CYP3A43: variants seen among roughly 807,000 people sequenced by gnomAD.
The protein encoded by CYP3A43 is cytochrome P450 family 3 subfamily A member 43.
A neutral mutation model predicts 58.0 loss-of-function variants in CYP3A43; 45 were observed. The ratio of observed to expected loss-of-function variants is 0.78; its 90% CI spans 0.61 to 0.99. CYP3A43 has a LOEUF of 0.99. Among genes scored for constraint, CYP3A43 ranks in the 50% least tolerant of loss-of-function variants. CYP3A43 has a pLI of 0.00. For missense variants in CYP3A43, 593 were observed against 591.9 expected (o/e 1.00, Z -0.02); for synonymous variants, 191 against 201.4 (o/e 0.95, Z 0.44).
chr7:99,849,618 T>TC lies in CYP3A43; in HGVS notation c.596dup (p.Gln200ThrfsTer35). On this transcript the variant is annotated frameshift_variant, in exon 7 of 13. Transcript: ENST00000354829. LOFTEE classifies it high-confidence loss of function. Reference sequence around the variant, plus strand: ...GAGTGAACTTGGATTCTCTCAACAATCCACAAGATCCCTTTCTGAAAAATA... The same window carrying TC: ...GAGTGAACTTGGATTCTCTCAACAATCCCACAAGATCCCTTTCTGAAAAATA... 1 of 1,613,024 alleles carries TC rather than the reference T, an allele frequency of 6.2e-7. No individual in the cohort carries two copies. Among genetic ancestry groups the TC allele is most frequent in the East Asian group, 2.2e-5 (1 of 44,886 alleles).
intron 1 of CYP3A43, among the ~76,000 whole-genome samples, chr7:99,829,659 C>A (rs900850725): frequency 6.6e-6 from 1 of 152,098 alleles, no homozygotes; most frequent in East Asian, 1.9e-4. Flanking sequence ...GTCTGGCTGC[C>A]CTGTGAACTC....
chr7:99,839,541 C>A, intron 3 of CYP3A43: 1 of 433,136 alleles, frequency 2.3e-6, no homozygotes. Context: ...ATACATAAGC[C>A]ACATTCCCAC....
intron 2 of CYP3A43, chr7:99,838,537 C>A: frequency 1.9e-6 from 1 of 537,688 alleles, no homozygotes; most frequent in Non-Finnish European, 2.8e-6. Flanking sequence ...AATGAAAACA[C>A]ATCAGAAAGA....
rs1194784427 is a variant in CYP3A43 at position 99,863,592 on chromosome 7, G to A, written c.1309G>A (p.Ala437Thr). The change falls in exon 12 of 13, where the codon GCT becomes ACT. Residue 437 changes from alanine (A) to threonine (T), a missense_variant. Coordinates refer to ENST00000354829, the MANE Select transcript of CYP3A43 (RefSeq NM_057095.3). ...IDLYRYIPFG[A>T]GPRNCIGMRF... ...TCTTTACAGATACATACCTTTTGGA[G>A]CTGGACCCCGAAACTGCATTGGCAT... The A allele has an allele frequency of 1.2e-6, 2 of 1,614,060 alleles. No homozygotes were observed. Among genetic ancestry groups the A allele is most frequent in the East Asian group, 2.2e-5 (1 of 44,880 alleles).
At chr7:99,837,318 CAAAAAAAAAAAAAAAAA>C (rs1373598961) in intron 2 of CYP3A43, among the ~76,000 whole-genome samples, 3 of 66,700 alleles carry the variant, frequency 4.5e-5, no homozygotes, top group Non-Finnish European at 1.0e-4. Flanking sequence ...GACTGTGTCT[CAAAAAAAAAAAAAAAAA>C]GAAAAGAAAA....
intron 11 of CYP3A43, among the ~76,000 whole-genome samples, chr7:99,863,282 G>C (rs893524152): frequency 6.6e-6 from 1 of 151,906 alleles, no homozygotes; most frequent in Non-Finnish European, 1.5e-5. Context: ...TAACCACAAG[G>C]GCATTATCAC....
chr7:99,855,866 A>G (rs1478147932), intron 8 of CYP3A43, 148 bp downstream of exon 8: 2 of 888,578 alleles, frequency 2.3e-6, no homozygotes, highest in African/African-American at 1.7e-5. Context: ...GCTGGGAATA[A>G]AGAAGGTGAA....
chr7:99,844,872 C>A (rs944851103), intron 4 of CYP3A43, among the ~76,000 whole-genome samples: 1 of 151,860 alleles, frequency 6.6e-6, no homozygotes, highest in African/African-American at 2.4e-5. Flanking sequence ...AGATCAAGAC[C>A]ATCCTGGCCA....
intron 4 of CYP3A43, among the ~76,000 whole-genome samples, chr7:99,846,301 T>A (rs1206938661): frequency 6.6e-6 from 1 of 152,254 alleles, no homozygotes; most frequent in Non-Finnish European, 1.5e-5. Context: ...ATAGAGATCC[T>A]GTACGTGTTT....
intron 3 of CYP3A43, among the ~76,000 whole-genome samples, chr7:99,843,021 AT>A (rs1245991323): frequency 2.6e-5 from 4 of 152,240 alleles, no homozygotes; most frequent in African/African-American, 7.2e-5. Context: ...TCCAAGTTGA[AT>A]GCGTAATCGA....
chr7:99,835,653 T>A (rs923368677), intron 1 of CYP3A43, among the ~76,000 whole-genome samples: 1 of 152,196 alleles, frequency 6.6e-6, no homozygotes, highest in Non-Finnish European at 1.5e-5. Flanking sequence ...TATGTGCAGG[T>A]TTCTAACTTG....
At chr7:99,829,626 A>G (rs959828898) in intron 1 of CYP3A43, among the ~76,000 whole-genome samples, 1 of 152,196 alleles carries the variant, frequency 6.6e-6, no homozygotes, top group African/African-American at 2.4e-5. Context: ...GCTGTTTCAA[A>G]ACCAACATGT....
intron 1 of CYP3A43, among the ~76,000 whole-genome samples, chr7:99,831,758 T>C (rs533133059): frequency 9.6e-4 from 146 of 152,178 alleles, no homozygotes; most frequent in Non-Finnish European, 1.3e-3. Context: ...TGACTGATCA[T>C]TTTGAGAAAA....
chr7:99,839,324 G>A (rs1817233696), intron 3 of CYP3A43, 152 bp downstream of exon 3: 4 of 934,956 alleles, frequency 4.3e-6, no homozygotes, highest in African/African-American at 1.6e-5. Context: ...AGAAAAAGAT[G>A]ATCTGGGAAT....
Position 99,849,068 on chromosome 7 carries a change from T to C in CYP3A43, c.522-478T>C, listed in dbSNP as rs557036720. 5.3e-5 allele frequency among the ~76,000 whole-genome samples: 8 copies of C among 152,302 alleles called. No homozygotes were observed. In the East Asian group the frequency reaches 1.5e-3, roughly 29 times the overall value. ...AGGGAGTGCAGCGGAGACATGACGT[T>C]CACAGCAAGTCTGAACAGGGTGTGG... On this transcript the variant is annotated intron_variant, in intron 6 of 12. Coordinates refer to ENST00000354829, the MANE Select transcript of CYP3A43 (RefSeq NM_057095.3).
chr7:99,838,085 G>A (rs1255386220), intron 2 of CYP3A43, among the ~76,000 whole-genome samples: 2 of 152,296 alleles, frequency 1.3e-5, no homozygotes, highest in East Asian at 3.9e-4. Flanking sequence ...TGCCTAGTTA[G>A]AACATCAAAA....
chr7:99,838,754 A>G, intron 2 of CYP3A43: 1 of 982,072 alleles, frequency 1.0e-6, no homozygotes, highest in Non-Finnish European at 1.4e-6. Context: ...CTGAAGCAGG[A>G]GGATCACCTA....
rs1213402200 is a variant in CYP3A43 at position 99,828,176 on chromosome 7, C to A, written c.61C>A (p.Leu21Ile). ...TWVLVATSLV[L>I]LYIYGTHSHK... ...GGTTCTTGTGGCTACCAGCCTGGTACTCCTCTATATGTGAGTAACTATGCA... is the reference window on the plus strand; with the variant it reads ...GGTTCTTGTGGCTACCAGCCTGGTAATCCTCTATATGTGAGTAACTATGCA... The change falls in exon 1 of 13, where the codon CTC (leucine) becomes ATC (isoleucine). Residue 21 changes from leucine to isoleucine, a missense_variant. Transcript: ENST00000354829. The A allele has an allele frequency of 1.9e-6, 3 of 1,612,322 alleles. No homozygotes were observed. Among genetic ancestry groups the A allele is most frequent in the Non-Finnish European group, 2.5e-6 (3 of 1,178,980 alleles).
At chr7:99,858,758 T>C (rs868763841) in intron 9 of CYP3A43, among the ~76,000 whole-genome samples, 4 of 151,750 alleles carry the variant, frequency 2.6e-5, no homozygotes, top group African/African-American at 9.7e-5. Context: ...AGTGGTCTGA[T>C]CTTGGCTCAC....
Sources: gnomAD v4.1 joint callset for allele counts (sites outside exome capture counted in the v4.1 genomes callset) on GRCh38, gnomAD v4.1.1 for gene constraint, MANE v1.5 for transcripts, NCBI Gene and HGNC (gene_info 2026-07-23, HGNC 2026-07-21) for gene names.